The following MDGA2 variants were observed in gnomAD, a reference collection of about 807,000 sequenced individuals.
The protein encoded by MDGA2 is MAM domain containing glycosylphosphatidylinositol anchor 2, also known as MAM domain-containing glycosylphosphatidylinositol anchor protein 2.
In MDGA2, 40 loss-of-function variants were observed where a neutral mutation model predicts 117.8. That is an observed-to-expected ratio of 0.34 (90% CI 0.26 to 0.44). The LOEUF (loss-of-function observed/expected upper bound fraction) is 0.44. MDGA2 is among the 20% of genes least tolerant of loss of function. The probability of loss-of-function intolerance (pLI) is 1.00; values close to 1 mark genes in which losing one functional copy is unlikely to be tolerated. For missense variants in MDGA2, 1,123 were observed against 1,250.6 expected (o/e 0.90, Z 1.54); for synonymous variants, 452 against 439.0 (o/e 1.03, Z -0.37).
chr14:47,148,572 T>C (rs1287658473), intron 3 of MDGA2, among the ~76,000 whole-genome samples: 1 of 152,180 alleles, frequency 6.6e-6, no homozygotes, highest in Non-Finnish European at 1.5e-5. Context: ...AATACTGATA[T>C]CCAGGTCAAT....
At chr14:47,273,929 T>C (rs1367175739) in intron 2 of MDGA2, among the ~76,000 whole-genome samples, 2 of 152,110 alleles carry the variant, frequency 1.3e-5, no homozygotes, top group Non-Finnish European at 2.9e-5. Flanking sequence ...GGAACTTTTA[T>C]GTCAACATAA....
intron 4 of MDGA2, among the ~76,000 whole-genome samples, chr14:47,134,810 A>C (rs986932279): frequency 6.6e-6 from 1 of 151,384 alleles, no homozygotes; most frequent in Non-Finnish European, 1.5e-5. Context: ...ACACATAATT[A>C]CTCCAAAAAT....
chr14:47,177,243 C>T (rs369004987), intron 3 of MDGA2, among the ~76,000 whole-genome samples: 17 of 151,916 alleles, frequency 1.1e-4, no homozygotes, highest in African/African-American at 3.4e-4. Flanking sequence ...GTCAGTGTGG[C>T]GATTCCTCAG....
intron 2 of MDGA2, among the ~76,000 whole-genome samples, chr14:47,274,474 C>T (rs1033085137): frequency 6.6e-6 from 1 of 152,070 alleles, no homozygotes; most frequent in Non-Finnish European, 1.5e-5. Flanking sequence ...TTTATCCATT[C>T]ATCAACTGAC....
chr14:47,381,225 C>T (rs1418316597), intron 1 of MDGA2, among the ~76,000 whole-genome samples: 1 of 152,132 alleles, frequency 6.6e-6, no homozygotes, highest in African/African-American at 2.4e-5. Context: ...ATAATAAGAG[C>T]TATCTATGAC....
intron 8 of MDGA2, among the ~76,000 whole-genome samples, chr14:47,004,106 T>G (rs1400069747): frequency 6.6e-6 from 1 of 151,822 alleles, no homozygotes; most frequent in African/African-American, 2.4e-5. Flanking sequence ...AACTGCATAA[T>G]GAAACAATGG....
At chr14:47,372,571 C>G (rs1417864608) in intron 1 of MDGA2, among the ~76,000 whole-genome samples, 1 of 151,834 alleles carries the variant, frequency 6.6e-6, no homozygotes, top group Non-Finnish European at 1.5e-5. Context: ...ACATCCAGTG[C>G]TGGTGGAGAG....
In MDGA2 at chr14:47,451,178, T is replaced by C. The variant is rs548154205; in HGVS notation, c.281-149628A>G. On this transcript the variant is annotated intron_variant, in intron 1 of 16. Transcript: ENST00000399232. ...TTGCTAAGCACCATACACTATAACC[T>C]TAGGAAGTAGCTGGAGGTCATTCTC... Among the ~76,000 whole-genome samples, 11 of 152,086 alleles carry C rather than the reference T, an allele frequency of 7.2e-5. No homozygotes were observed. The South Asian group carries it at 1.5e-3, about 20-fold the overall frequency.
Position 47,249,252 on chromosome 14 carries a change from C to T in MDGA2, c.421-31057G>A, listed in dbSNP as rs188863182. Among the ~76,000 whole-genome samples, 709 of 151,962 alleles carry T rather than the reference C, an allele frequency of 4.7e-3. 2 individuals carry two copies. The highest frequency in any genetic ancestry group is 8.1e-3 in the Non-Finnish European group (553 of 67,958). ...CAAGATGGTCTCGATCTCTTGACCT[C>T]GTGATCTGCCCGCCTCAGCCTCCCA... On this transcript the variant is annotated intron_variant, in intron 2 of 16. Coordinates refer to ENST00000399232, the MANE Select transcript of MDGA2 (RefSeq NM_001113498.3).
intron 1 of MDGA2, among the ~76,000 whole-genome samples, chr14:47,550,538 T>C (rs746208420): frequency 1.3e-5 from 2 of 152,194 alleles, no homozygotes; most frequent in East Asian, 1.9e-4. Flanking sequence ...TACAGTACTG[T>C]TGAACAACCT....
intron 3 of MDGA2, among the ~76,000 whole-genome samples, chr14:47,196,200 T>C (rs1468856151): frequency 6.6e-6 from 1 of 152,152 alleles, no homozygotes; most frequent in African/African-American, 2.4e-5. Flanking sequence ...TAAATAATTT[T>C]CCCTTGAGTG....
chr14:46,882,086 A>C lies in MDGA2; in HGVS notation c.2374T>G (p.Phe792Val). ...YEVRLTPLTK[F>V]GEGDSTIRVI... ...CGAATTGTTGAATCTCCTTCACCAAATTTGGTGAGAGGAGTCAGTCGGACT... is the reference window on the plus strand; with the variant it reads ...CGAATTGTTGAATCTCCTTCACCAACTTTGGTGAGAGGAGTCAGTCGGACT... The change falls in exon 11 of 17, where the codon TTT becomes GTT. Residue 792 changes from phenylalanine (F) to valine (V), a missense_variant. Coordinates refer to ENST00000399232, the MANE Select transcript of MDGA2 (RefSeq NM_001113498.3). 6.2e-7 allele frequency: 1 copy of C among 1,611,104 alleles called. No individual in the cohort carries two copies. Among genetic ancestry groups the C allele is most frequent in the Non-Finnish European group, 8.5e-7 (1 of 1,178,162 alleles).
At chr14:47,378,345 A>G (rs1432962038) in intron 1 of MDGA2, among the ~76,000 whole-genome samples, 1 of 152,230 alleles carries the variant, frequency 6.6e-6, no homozygotes, top group Non-Finnish European at 1.5e-5. Flanking sequence ...GCAATGGAAC[A>G]AAGCTGGACA....
chr14:46,850,896 A>G (rs1197469196), intron 15 of MDGA2, among the ~76,000 whole-genome samples: 1 of 151,892 alleles, frequency 6.6e-6, no homozygotes, highest in Non-Finnish European at 1.5e-5. Context: ...AATGTTTTCA[A>G]TGGTTAAGTC....
chr14:47,020,189 A>T (rs1888238182), intron 8 of MDGA2, among the ~76,000 whole-genome samples: 1 of 152,206 alleles, frequency 6.6e-6, no homozygotes, highest in African/African-American at 2.4e-5. Flanking sequence ...TAACAATGAA[A>T]ACGCATCAGT....
At chr14:47,122,593 C>G (rs994129325) in intron 5 of MDGA2, among the ~76,000 whole-genome samples, 9 of 152,132 alleles carry the variant, frequency 5.9e-5, no homozygotes, top group Middle Eastern at 3.4e-3. Context: ...TATTGTATCT[C>G]CTTTGTTAGA....
chr14:47,592,020 G>A (rs899615476), intron 1 of MDGA2, among the ~76,000 whole-genome samples: 8 of 151,836 alleles, frequency 5.3e-5, no homozygotes, highest in African/African-American at 1.9e-4. Context: ...AGCTTCTTAA[G>A]CTGATAAGCA....
At chr14:47,418,473 T>TC (rs1167789866) in intron 1 of MDGA2, among the ~76,000 whole-genome samples, 2 of 152,174 alleles carry the variant, frequency 1.3e-5, no homozygotes, top group African/African-American at 4.8e-5. Flanking sequence ...ACTTTCTGAT[T>TC]CCTAGATGAT....
intron 8 of MDGA2, among the ~76,000 whole-genome samples, chr14:46,987,011 T>G (rs1366676270): frequency 6.6e-6 from 1 of 152,076 alleles, no homozygotes; most frequent in Non-Finnish European, 1.5e-5. Context: ...TGTACCAGTT[T>G]TATGTAGGTA....
Sources: gnomAD v4.1 joint callset for allele counts (sites outside exome capture counted in the v4.1 genomes callset) on GRCh38, gnomAD v4.1.1 for gene constraint, MANE v1.5 for transcripts, NCBI Gene and HGNC (gene_info 2026-07-23, HGNC 2026-07-21) for gene names.